The following HPSE2 variants were observed in gnomAD, a reference collection of about 807,000 sequenced individuals.
HPSE2 encodes heparanase 2 (inactive), also known as inactive heparanase-2.
A neutral mutation model predicts 60.5 loss-of-function variants in HPSE2; 38 were observed. The ratio of observed to expected loss-of-function variants is 0.63; its 90% confidence interval spans 0.48 to 0.82. HPSE2 has a LOEUF of 0.82. Among genes scored for constraint, HPSE2 ranks in the 40% least tolerant of loss-of-function variants. HPSE2 has a pLI of 0.00. For synonymous variants in HPSE2, 295 were observed against 293.2 expected (o/e 1.01, Z -0.06); for missense variants, 713 against 740.4 (o/e 0.96, Z 0.43).
chr10:98,800,455 CAT>C (rs1428477850), intron 3 of HPSE2, among the ~76,000 whole-genome samples: 27 of 146,262 alleles, frequency 1.8e-4, no homozygotes, highest in African/African-American at 4.5e-4. Flanking sequence ...TTTTATATAA[CAT>C]ATATGATTTT....
chr10:98,737,413 T>C (rs1327125382), intron 4 of HPSE2, among the ~76,000 whole-genome samples: 1 of 138,552 alleles, frequency 7.2e-6, no homozygotes, highest in African/African-American at 2.6e-5. Flanking sequence ...CTTCATCTCA[T>C]TGGGACTGGT....
chr10:98,905,557 A>G (rs571576745), intron 3 of HPSE2, among the ~76,000 whole-genome samples: 1 of 152,240 alleles, frequency 6.6e-6, no homozygotes, highest in South Asian at 2.1e-4. Context: ...ACTTCTATTC[A>G]TTCAGCCTAT....
intron 9 of HPSE2, among the ~76,000 whole-genome samples, chr10:98,590,852 TG>T (rs1179657873): frequency 4.6e-5 from 7 of 152,214 alleles, no homozygotes; most frequent in African/African-American, 1.4e-4. Flanking sequence ...TTAATTCCTT[TG>T]TGTCTGAGTT....
rs141768940 is a variant in HPSE2, at chr10:98,568,977, T to C, written c.1320+45927A>G. 4.5e-3 allele frequency among the ~76,000 whole-genome samples: 687 copies of C among 152,286 alleles called. 8 individuals are homozygous for C. Among genetic ancestry groups the C allele is most frequent in the African/African-American group, 0.016 (647 of 41,562 alleles). Reference sequence around the variant, plus strand: ...AGATAGTTGTATAACTCTGTGAATATACTAAAAACCATTGAATCATACACT... The same window carrying C: ...AGATAGTTGTATAACTCTGTGAATACACTAAAAACCATTGAATCATACACT... On this transcript the variant is annotated intron_variant, in intron 9 of 11. Transcript: ENST00000370552.
chr10:98,600,381 G>T (rs1375324226), intron 9 of HPSE2, among the ~76,000 whole-genome samples: 2 of 152,170 alleles, frequency 1.3e-5, no homozygotes, highest in Non-Finnish European at 2.9e-5. Flanking sequence ...GATAAACTTT[G>T]AAAGACAGCT....
rs572907442 is a variant in HPSE2 at position 98,879,670 on chromosome 10, T to C, written c.611-135614A>G. ...GAGCTCTGGGAAATCCCTGAAGTAA[T>C]GAGCTCTGCAGTGTAAAGACCCATG... On this transcript the variant is annotated intron_variant, in intron 3 of 11. Coordinates refer to ENST00000370552, the MANE Select transcript of HPSE2 (RefSeq NM_021828.5). Among the ~76,000 whole-genome samples the C allele has an allele frequency of 5.3e-5, 8 of 152,086 alleles. No homozygotes were observed. The South Asian group carries it at 1.7e-3, about 31-fold the overall frequency.
intron 3 of HPSE2, among the ~76,000 whole-genome samples, chr10:98,963,356 C>G (rs1036057781): frequency 6.6e-6 from 1 of 152,112 alleles, no homozygotes; most frequent in African/African-American, 2.4e-5. Context: ...CAGATGACTG[C>G]TATTCATATT....
At chr10:98,852,376 C>T (rs1365477606) in intron 3 of HPSE2, among the ~76,000 whole-genome samples, 1 of 152,120 alleles carries the variant, frequency 6.6e-6, no homozygotes, top group Non-Finnish European at 1.5e-5. Context: ...CTCTGACCTA[C>T]CTTGTCTGAT....
chr10:98,952,647 G>C (rs1209904414), intron 3 of HPSE2, among the ~76,000 whole-genome samples: 4 of 152,028 alleles, frequency 2.6e-5, no homozygotes, highest in African/African-American at 9.7e-5. Context: ...TATAATAAGT[G>C]GTTTAAACAA....
chr10:98,460,176 G>A (rs554155241), intron 11 of HPSE2, among the ~76,000 whole-genome samples: 1 of 152,282 alleles, frequency 6.6e-6, no homozygotes, highest in Non-Finnish European at 1.5e-5. Flanking sequence ...TTTTACCTGT[G>A]GAATGATACA....
intron 5 of HPSE2, among the ~76,000 whole-genome samples, chr10:98,710,112 C>G (rs11189763): frequency 2.0e-5 from 3 of 152,198 alleles, no homozygotes; most frequent in Non-Finnish European, 4.4e-5. Context: ...AGGCTGAACT[C>G]TAGATAAACA....
chr10:99,063,796 T>TA (rs1336573793), intron 3 of HPSE2, among the ~76,000 whole-genome samples: 2 of 152,122 alleles, frequency 1.3e-5, no homozygotes, highest in Non-Finnish European at 2.9e-5. Flanking sequence ...TATGTGCATA[T>TA]AAAAAGGTCT....
At chr10:99,116,818 G>A (rs1179829853) in intron 3 of HPSE2, among the ~76,000 whole-genome samples, 1 of 152,198 alleles carries the variant, frequency 6.6e-6, no homozygotes, top group Non-Finnish European at 1.5e-5. Context: ...AGGGGCTGCA[G>A]GAGAGGATAA....
At chr10:98,999,949 T>C (rs1956739343) in intron 3 of HPSE2, among the ~76,000 whole-genome samples, 2 of 152,144 alleles carry the variant, frequency 1.3e-5, no homozygotes, top group Admixed American at 1.3e-4. Context: ...ATAGATGAAT[T>C]AGTGGAGAAA....
intron 11 of HPSE2, among the ~76,000 whole-genome samples, chr10:98,476,226 A>T (rs1291596608): frequency 6.7e-6 from 1 of 148,288 alleles, no homozygotes; most frequent in South Asian, 2.1e-4. Context: ...CACAAGGACA[A>T]AAAACCAAAC....
At chr10:98,706,182 G>A (rs1015210793) in intron 5 of HPSE2, among the ~76,000 whole-genome samples, 1 of 152,100 alleles carries the variant, frequency 6.6e-6, no homozygotes, top group Admixed American at 6.6e-5. Context: ...TTCCAAATCC[G>A]ACCATCTTTC....
At chr10:99,098,088 A>G (rs1381918374) in intron 3 of HPSE2, among the ~76,000 whole-genome samples, 1 of 152,226 alleles carries the variant, frequency 6.6e-6, no homozygotes, top group Non-Finnish European at 1.5e-5. Context: ...CTAACATTTC[A>G]TATTTTAAGA....
chr10:99,051,535 C>T (rs924104152), intron 3 of HPSE2, among the ~76,000 whole-genome samples: 1 of 151,980 alleles, frequency 6.6e-6, no homozygotes, highest in African/African-American at 2.4e-5. Context: ...GAAGAAAAAG[C>T]CATAGAAAAG....
intron 6 of HPSE2, among the ~76,000 whole-genome samples, chr10:98,665,470 C>T (rs1202903779): frequency 2.6e-5 from 4 of 152,136 alleles, no homozygotes; most frequent in Non-Finnish European, 5.9e-5. Flanking sequence ...CAACCATCCT[C>T]AAGGCACACA....
Sources: allele counts gnomAD v4.1 joint callset (sites outside exome capture counted in the v4.1 genomes callset), GRCh38; gene constraint gnomAD v4.1.1; transcripts MANE v1.5; gene names NCBI Gene and HGNC (gene_info 2026-07-23, HGNC 2026-07-21).